The following INSL6 variants were observed in gnomAD, a reference collection of about 807,000 sequenced individuals.
INSL6 encodes insulin-like peptide INSL6.
Under a neutral mutation model 9.4 loss-of-function variants are expected in INSL6, and 16 were observed. That is an observed-to-expected ratio of 1.70 (90% CI 1.15 to 2.59). INSL6 has a LOEUF of 2.59. Ranked by LOEUF, INSL6 falls within the 30% of genes most tolerant of loss-of-function variation. The pLI is 0.00. For synonymous variants in INSL6, 154 were observed against 96.9 expected (o/e 1.59, Z -3.46); for missense variants, 391 against 257.3 (o/e 1.52, Z -3.56).
intron 2 of INSL6, among the ~76,000 whole-genome samples, chr9:5,150,959 TATATAAA>T (rs1392837054): frequency 6.6e-6 from 1 of 152,130 alleles, no homozygotes; most frequent in Non-Finnish European, 1.5e-5. Context: ...GCTATTATCT[TATATAAA>T]ATAACTAAGA....
At chr9:5,138,063 A>T (rs1426876795) in intron 2 of INSL6, among the ~76,000 whole-genome samples, 1 of 152,356 alleles carries the variant, frequency 6.6e-6, no homozygotes, top group Non-Finnish European at 1.5e-5. Context: ...AATGGTGATC[A>T]TTAAAAAGTC....
the INSL6 span, among the ~76,000 whole-genome samples, chr9:5,059,720 G>T: frequency 2.6e-5 from 4 of 152,080 alleles, no homozygotes; most frequent in African/African-American, 9.7e-5. Flanking sequence ...AATTTTGTCA[G>T]TCTAAAAATG....
At chr9:5,017,622 TA>T in the INSL6 span, among the ~76,000 whole-genome samples, 1 of 152,222 alleles carries the variant, frequency 6.6e-6, no homozygotes, top group East Asian at 1.9e-4. Flanking sequence ...TTTATTGCTA[TA>T]AACTTCCCTC....
At chr9:5,170,486 C>T (rs1188137500) in intron 1 of INSL6, among the ~76,000 whole-genome samples, 1 of 150,618 alleles carries the variant, frequency 6.6e-6, no homozygotes, top group Non-Finnish European at 1.5e-5. Context: ...AAGAAATAAC[C>T]AAGCTTAGAG....
the INSL6 span, among the ~76,000 whole-genome samples, chr9:5,028,310 C>G: frequency 1.3e-5 from 2 of 152,126 alleles, no homozygotes; most frequent in Non-Finnish European, 2.9e-5. Flanking sequence ...ATCTTTTTTT[C>G]TGAGCTTTAG....
At chr9:5,172,533 G>C (rs1201123753) in intron 1 of INSL6, among the ~76,000 whole-genome samples, 1 of 152,196 alleles carries the variant, frequency 6.6e-6, no homozygotes, top group African/African-American at 2.4e-5. Context: ...AACCTACAGA[G>C]TGGGAGGAAA....
At chr9:5,081,595 CTA>C in the INSL6 span, 2 of 624,296 alleles carry the variant, frequency 3.2e-6, no homozygotes, top group Non-Finnish European at 5.6e-6. Context: ...ATAATTGAAA[CTA>C]TTTGAGTTTC....
At chr9:5,161,225 A>T (rs541722386), downstream of INSL6, among the ~76,000 whole-genome samples, 1 of 152,366 alleles carries the variant, frequency 6.6e-6, no homozygotes, top group South Asian at 2.1e-4. Flanking sequence ...CACATTAAAA[A>T]ATCATTCATC....
downstream of INSL6, among the ~76,000 whole-genome samples, chr9:5,163,363 G>C (rs777054810): frequency 6.6e-6 from 1 of 152,158 alleles, no homozygotes; most frequent in Non-Finnish European, 1.5e-5. Context: ...TTTTAGTTTA[G>C]ATTCACTAAA....
chr9:5,009,299 A>G, the INSL6 span, among the ~76,000 whole-genome samples: 1 of 152,196 alleles, frequency 6.6e-6, no homozygotes, highest in African/African-American at 2.4e-5. Flanking sequence ...ATACTGCTTC[A>G]TGATAAAGAA....
At chr9:5,133,277 T>C (rs963087764) in intron 3 of INSL6, 29 of 152,232 alleles carry the variant, frequency 1.9e-4, no homozygotes, top group African/African-American at 6.7e-4. Flanking sequence ...TGTGCTCATA[T>C]AGACATAGGT....
At chr9:5,041,904 G>A in the INSL6 span, 3 of 404,374 alleles carry the variant, frequency 7.4e-6, no homozygotes, top group East Asian at 6.5e-5. Flanking sequence ...CTGCAGAGAT[G>A]GAGGTGGGCG....
chr9:5,091,089 GA>G, the INSL6 span: 1 of 485,416 alleles, frequency 2.1e-6, no homozygotes, highest in Non-Finnish European at 3.6e-6. Context: ...GTCCACGTGG[GA>G]AAATGGCATA....
At chr9:5,015,981 C>T in the INSL6 span, among the ~76,000 whole-genome samples, 2 of 152,228 alleles carry the variant, frequency 1.3e-5, no homozygotes, top group Admixed American at 1.3e-4. Flanking sequence ...GTGGTTAAAG[C>T]CTATGCTATG....
chr9:5,168,304 G>A (rs1282967009), intron 1 of INSL6, among the ~76,000 whole-genome samples: 1 of 152,150 alleles, frequency 6.6e-6, no homozygotes, highest in Non-Finnish European at 1.5e-5. Flanking sequence ...GTTCAAACTT[G>A]TTGCAAAGAA....
At chr9:4,993,892 A>G in the INSL6 span, among the ~76,000 whole-genome samples, 2 of 152,212 alleles carry the variant, frequency 1.3e-5, no homozygotes, top group Non-Finnish European at 2.9e-5. Flanking sequence ...TTCCTCCCAC[A>G]TTCCAAAGAT....
chr9:5,158,522 T>A (rs1195986720), intron 2 of INSL6, among the ~76,000 whole-genome samples: 1 of 152,166 alleles, frequency 6.6e-6, no homozygotes, highest in South Asian at 2.1e-4. Flanking sequence ...AACTTCAACA[T>A]GTCTGGTAAC....
the INSL6 span, among the ~76,000 whole-genome samples, chr9:5,065,579 C>A: frequency 1.3e-5 from 2 of 152,086 alleles, no homozygotes; most frequent in East Asian, 3.8e-4. Context: ...CTAATGCAAC[C>A]GAGGAACTGA....
chr9:5,056,601 T>C, the INSL6 span, among the ~76,000 whole-genome samples: 4 of 152,170 alleles, frequency 2.6e-5, no homozygotes. Context: ...TGTGAGCCTT[T>C]TGAAGGTAAG....
Sources: allele counts gnomAD v4.1 joint callset (sites outside exome capture counted in the v4.1 genomes callset), GRCh38; gene constraint gnomAD v4.1.1; transcripts MANE v1.5; gene names NCBI Gene and HGNC (gene_info 2026-07-23, HGNC 2026-07-21).